The following NAV3 variants were observed in gnomAD, a reference collection of about 807,000 sequenced individuals.
NAV3 encodes pore membrane and/or filament interacting like protein 1.
Under a neutral mutation model 244.7 loss-of-function variants are expected in NAV3, and 87 were observed. That is an observed-to-expected ratio of 0.36 (90% CI 0.30 to 0.42). The LOEUF is 0.42. NAV3 is among the 20% of genes least tolerant of loss of function. The pLI is 1.00. For synonymous variants in NAV3, 1,126 were observed against 1,042.2 expected (o/e 1.08, Z -1.55); for missense variants, 2,663 against 2,893.3 (o/e 0.92, Z 1.83).
chr12:77,591,035 G>A (rs565117123), intron 2 of NAV3, among the ~76,000 whole-genome samples: 31 of 152,150 alleles, frequency 2.0e-4, no homozygotes, highest in Non-Finnish European at 4.3e-4. Context: ...CAGACAACTC[G>A]TCTTCTCACC....
At chr12:77,696,320 C>G (rs928139301) in intron 2 of NAV3, among the ~76,000 whole-genome samples, 2 of 152,138 alleles carry the variant, frequency 1.3e-5, no homozygotes, top group Non-Finnish European at 2.9e-5. Context: ...GTCTCTTCCT[C>G]ATTGGCTTTG....
chr12:78,184,743 A>G (rs1345127279), intron 30 of NAV3, among the ~76,000 whole-genome samples: 1 of 151,660 alleles, frequency 6.6e-6, no homozygotes, highest in African/African-American at 2.4e-5. Flanking sequence ...TCCTCTTTTC[A>G]CCAGGAACAT....
chr12:77,634,119 A>G (rs1872047755), intron 2 of NAV3, among the ~76,000 whole-genome samples: 2 of 47,876 alleles, frequency 4.2e-5, no homozygotes, highest in Admixed American at 3.7e-4. Flanking sequence ...ACCTTGGCAA[A>G]TCTCCCATTT....
chr12:77,676,835 A>G (rs190362081), intron 2 of NAV3, among the ~76,000 whole-genome samples: 1 of 152,170 alleles, frequency 6.6e-6, no homozygotes, highest in Non-Finnish European at 1.5e-5. Flanking sequence ...CTCCCCTCCA[A>G]AAAAAACCCT....
chr12:77,739,816 T>C (rs1436523936), intron 2 of NAV3, among the ~76,000 whole-genome samples: 1 of 152,288 alleles, frequency 6.6e-6, no homozygotes, highest in Non-Finnish European at 1.5e-5. Flanking sequence ...AAAATTCAGA[T>C]CCACATGGAT....
chr12:77,610,692 G>A (rs1360858264), intron 2 of NAV3, among the ~76,000 whole-genome samples: 1 of 152,022 alleles, frequency 6.6e-6, no homozygotes, highest in African/African-American at 2.4e-5. Flanking sequence ...CATTTCATAT[G>A]TGACTGAACT....
At chr12:77,996,184 T>C (rs1369848551) in intron 6 of NAV3, among the ~76,000 whole-genome samples, 1 of 152,216 alleles carries the variant, frequency 6.6e-6, no homozygotes, top group Non-Finnish European at 1.5e-5. Flanking sequence ...TTTATGTGTG[T>C]GAGTTTGGAA....
chr12:77,739,443 A>G (rs549001304), intron 2 of NAV3, among the ~76,000 whole-genome samples: 1 of 152,246 alleles, frequency 6.6e-6, no homozygotes, highest in Non-Finnish European at 1.5e-5. Flanking sequence ...AATAAGATTT[A>G]TACCTTTTTG....
chr12:77,977,702 ACACACACGCG>A (rs1204316808), intron 5 of NAV3, among the ~76,000 whole-genome samples: 1 of 92,572 alleles, frequency 1.1e-5, no homozygotes, highest in Non-Finnish European at 2.6e-5. Context: ...ACACACACAC[ACACACACGCG>A]CACACACACA....
chr12:78,143,070 G>A (rs183113383), intron 20 of NAV3, among the ~76,000 whole-genome samples: 6 of 152,104 alleles, frequency 3.9e-5, no homozygotes, highest in African/African-American at 1.4e-4. Context: ...ACATGAAAAA[G>A]CAACTTATTA....
chr12:77,924,355 C>T (rs970846415), intron 1 of NAV3, among the ~76,000 whole-genome samples: 2 of 152,046 alleles, frequency 1.3e-5, no homozygotes, highest in Non-Finnish European at 2.9e-5. Context: ...TTTTTATCCA[C>T]CTAAATGCAA....
At chr12:77,801,502 TA>T (rs1241507446) in intron 2 of NAV3, among the ~76,000 whole-genome samples, 1 of 152,072 alleles carries the variant, frequency 6.6e-6, no homozygotes, top group East Asian at 1.9e-4. Context: ...AATTTCTGTT[TA>T]GATAGTATGT....
In NAV3 at chr12:78,137,186, C is replaced by T. The variant is rs1242202546; in HGVS notation, c.4451C>T (p.Thr1484Ile). 1 of 1,609,870 alleles carries T rather than the reference C, an allele frequency of 6.2e-7. No individual in the cohort carries two copies. Among genetic ancestry groups the T allele is most frequent in the South Asian group, 1.1e-5 (1 of 90,502 alleles). Residue 1484 changes from threonine (T) to isoleucine (I), a missense_variant, in exon 19 of 40, where the codon ACA (threonine) becomes ATA (isoleucine). By Grantham distance (89) the Thr-to-Ile change is moderately conservative. Around this residue, in one of 6 missense-constraint regions of NAV3, gnomAD observed 354 missense variants for 413.0 expected, o/e 0.86. Transcript: ENST00000397909. ...GTGTTTTGTTTTTCAGTGAGCCCAA[C>T]AAATTTGTCTCAGTTTAACCTTCCC... ...KYHFSNLVSP[T>I]NLSQFNLPGP...
intron 2 of NAV3, among the ~76,000 whole-genome samples, chr12:77,589,058 G>T (rs982481006): frequency 1.3e-5 from 2 of 152,130 alleles, no homozygotes; most frequent in South Asian, 4.1e-4. Flanking sequence ...CCAAAGCAAC[G>T]TGGACTCACA....
intron 2 of NAV3, among the ~76,000 whole-genome samples, chr12:77,760,938 C>T (rs908743996): frequency 4.6e-5 from 7 of 152,188 alleles, no homozygotes; most frequent in Non-Finnish European, 8.8e-5. Flanking sequence ...ACTTTAAAAG[C>T]AAAAGAAACC....
intron 1 of NAV3, among the ~76,000 whole-genome samples, chr12:77,833,002 C>T (rs1322857252): frequency 6.6e-6 from 1 of 152,192 alleles, no homozygotes; most frequent in Non-Finnish European, 1.5e-5. Context: ...GAAAGCCACT[C>T]CTTTTTCTAC....
In NAV3 at chr12:78,176,833, G is replaced by T. The variant is rs1224387774; in HGVS notation, c.5125-308G>T. Reference sequence around the variant, plus strand: ...AAAACAAATTGCCTTGAAGAGAGAAGCATTGGGAATGGAGATCCCTTCAAG... The same window carrying T: ...AAAACAAATTGCCTTGAAGAGAGAATCATTGGGAATGGAGATCCCTTCAAG... On this transcript the variant is annotated intron_variant, in intron 26 of 39. Coordinates refer to ENST00000397909, the MANE Select transcript of NAV3 (RefSeq NM_001024383.2). 3.3e-5 allele frequency among the ~76,000 whole-genome samples: 5 copies of T among 152,088 alleles called. No individual in the cohort carries two copies. In the East Asian group the frequency reaches 9.7e-4, roughly 29 times the overall value.
chr12:77,717,988 A>C (rs967927324), intron 2 of NAV3, among the ~76,000 whole-genome samples: 1 of 152,154 alleles, frequency 6.6e-6, no homozygotes, highest in African/African-American at 2.4e-5. Flanking sequence ...CCTGTATCAG[A>C]TATGTGAATT....
intron 2 of NAV3, among the ~76,000 whole-genome samples, chr12:77,658,868 C>T (rs1203987926): frequency 2.0e-5 from 3 of 152,170 alleles, no homozygotes; most frequent in Non-Finnish European, 4.4e-5. Flanking sequence ...AAAGGATTCC[C>T]TATTTAATAA....
Sources: gnomAD v4.1 joint callset for allele counts (sites outside exome capture counted in the v4.1 genomes callset) on GRCh38, gnomAD v4.1.1 for gene constraint, gnomAD v4.1.1 regional missense constraint, MANE v1.5 for transcripts, NCBI Gene and HGNC (gene_info 2026-07-23, HGNC 2026-07-21) for gene names.